The following DYNC2H1 variants were observed in gnomAD, a reference collection of about 807,000 sequenced individuals.
The protein encoded by DYNC2H1 is cytoplasmic dynein 2 heavy chain 1.
In DYNC2H1, 410 loss-of-function variants were observed where a neutral mutation model predicts 570.0. That is an observed-to-expected ratio of 0.72 (90% CI 0.66 to 0.78). DYNC2H1 has a LOEUF of 0.78. Among genes scored for constraint, DYNC2H1 ranks in the 30% least tolerant of loss-of-function variants. The pLI is 0.00. For missense variants in DYNC2H1, 4,865 were observed against 5,046.4 expected (o/e 0.96, Z 1.09); for synonymous variants, 1,688 against 1,677.6 (o/e 1.01, Z -0.15).
At chr11:103,286,131 C>T (rs1166597306) in intron 73 of DYNC2H1, 124 bp from the exon 74 acceptor site, 4 of 1,302,810 alleles carry the variant, frequency 3.1e-6, no homozygotes, top group Non-Finnish European at 3.2e-6. Context: ...GACAAGGCAA[C>T]ACAAAGTAGA....
chr11:103,214,804 TC>T (rs1354071312), intron 54 of DYNC2H1, among the ~76,000 whole-genome samples: 2 of 147,408 alleles, frequency 1.4e-5, no homozygotes, highest in African/African-American at 5.1e-5. Context: ...TTTTTTTTTT[TC>T]CTATCTTTTT....
chr11:103,148,913 C>T (rs942775631), intron 20 of DYNC2H1, among the ~76,000 whole-genome samples: 4 of 152,082 alleles, frequency 2.6e-5, no homozygotes, highest in East Asian at 1.9e-4. Context: ...AAAAATTAGC[C>T]GGTTGTGGTG....
Position 103,257,752 on chromosome 11 carries a change from G to T in DYNC2H1, c.10605+1G>T, listed in dbSNP as rs2135267768. On this transcript the variant is annotated splice_donor_variant, in intron 69 of 88. Transcript: ENST00000375735. LOFTEE classifies it high-confidence loss of function. ...CCAACGAGCTCTACAAAACAAACAG[G>T]TAAGCTGTTGGATACCCTGTACCAG... 6 of 1,582,680 alleles carry T rather than the reference G, an allele frequency of 3.8e-6. No homozygotes were observed. The highest frequency in any genetic ancestry group is 5.2e-6 in the Non-Finnish European group (6 of 1,163,730).
chr11:103,436,636 C>T (rs968092023), intron 85 of DYNC2H1, among the ~76,000 whole-genome samples: 4 of 152,074 alleles, frequency 2.6e-5, no homozygotes, highest in African/African-American at 7.2e-5. Context: ...CTTCTCAATG[C>T]AGCACTCTTC....
At chr11:103,247,836 G>T (rs1424941431) in intron 65 of DYNC2H1, among the ~76,000 whole-genome samples, 1 of 151,948 alleles carries the variant, frequency 6.6e-6, no homozygotes, top group Non-Finnish European at 1.5e-5. Flanking sequence ...TAGTTGATGG[G>T]TATAGCATTG....
chr11:103,348,250 C>T (rs1388337830), intron 82 of DYNC2H1, among the ~76,000 whole-genome samples: 1 of 152,102 alleles, frequency 6.6e-6, no homozygotes, highest in East Asian at 1.9e-4. Flanking sequence ...ATTCTGTAAA[C>T]TACCTAACAT....
At chr11:103,413,079 T>C (rs919142832) in intron 84 of DYNC2H1, among the ~76,000 whole-genome samples, 3 of 152,186 alleles carry the variant, frequency 2.0e-5, no homozygotes, top group African/African-American at 7.2e-5. Context: ...ATCAAGCTCT[T>C]GAGGTGCGTG....
At position 103,181,788 on chromosome 11, in the gene DYNC2H1, A is replaced by G. The variant is rs1395903115; in HGVS notation, c.6379A>G (p.Lys2127Glu). 1 of 1,572,068 alleles carries G rather than the reference A, an allele frequency of 6.4e-7. No individual in the cohort carries two copies. The highest frequency in any genetic ancestry group is 8.6e-7 in the Non-Finnish European group (1 of 1,156,640). Residue 2127 changes from lysine to glutamate, a missense_variant, in exon 40 of 89, where the codon AAA (lysine) becomes GAA (glutamate). Transcript: ENST00000375735. This position sits in a 1 kb window ranked among gnomAD's most constrained non-coding sequence, Gnocchi z 5.0. ...DEETDLNSLI[K>E]SWLRNQPAEY... is the part of the protein sequence containing the mutation. ...AGAGACAGATCTTAATTCTCTGATA[A>G]AATCTTGGTTGAGGAATCAGCCTGC... is the stretch of plus-strand genomic sequence containing the variant.
chr11:103,328,085 T>C (rs1188583336), intron 82 of DYNC2H1, among the ~76,000 whole-genome samples: 3 of 152,206 alleles, frequency 2.0e-5, no homozygotes, highest in Non-Finnish European at 4.4e-5. Context: ...CAAAAAATTA[T>C]CCCAAATTTA....
At chr11:103,414,671 A>G (rs1943213725) in intron 84 of DYNC2H1, among the ~76,000 whole-genome samples, 1 of 152,208 alleles carries the variant, frequency 6.6e-6, no homozygotes, top group Admixed American at 6.5e-5. Flanking sequence ...GCTAATAAGT[A>G]ACTTCAGCAA....
In DYNC2H1 at chr11:103,468,762, ATCTTT is replaced by A. The variant is rs1565626565; in HGVS notation, c.12765+60_12765+64del. The A allele has an allele frequency of 3.7e-6, 5 of 1,337,130 alleles. No homozygotes were observed. The East Asian group carries it at 7.3e-5, about 20-fold the overall frequency. 82.8% of individuals were successfully genotyped at this position (1,337,130 alleles called of 1,614,324 possible). On this transcript the variant is annotated intron_variant, in intron 88 of 88. Transcript: ENST00000375735. ...TTATATCAGTTCTCTCTTAGATTTT[ATCTTT>A]TCAAGAAGACATTCTTGGCCTGTGT...
chr11:103,341,671 C>T (rs1939447400), intron 82 of DYNC2H1, among the ~76,000 whole-genome samples: 1 of 152,124 alleles, frequency 6.6e-6, no homozygotes, highest in Non-Finnish European at 1.5e-5. Flanking sequence ...TCCTAAATGT[C>T]ATCAAATCTG....
chr11:103,152,101 G>C (rs573600725), intron 20 of DYNC2H1, 35 bp from the exon 21 acceptor site: 1 of 1,439,272 alleles, frequency 6.9e-7, no homozygotes, highest in Non-Finnish European at 9.3e-7. Context: ...AAAATAGGTT[G>C]TTATTCAATT....
chr11:103,324,743 G>C lies in DYNC2H1; in HGVS notation c.12039+753G>C, dbSNP rs952365292. ...GTATATACCCAATAATGGGATTTCT[G>C]GGTCAAATGGTAGTTCTGTTTTAAG... On this transcript the variant is annotated intron_variant, in intron 82 of 88. Coordinates refer to ENST00000375735, the MANE Select transcript of DYNC2H1 (RefSeq NM_001377.3). The surrounding 1 kb of genome is among the most constrained non-coding windows in gnomAD (Gnocchi z 5.2). Among the ~76,000 whole-genome samples the C allele has an allele frequency of 6.6e-6, 1 of 152,100 alleles. No individual in the cohort carries two copies. The highest frequency in any genetic ancestry group is 6.5e-5 in the Admixed American group (1 of 15,272).
intron 82 of DYNC2H1, among the ~76,000 whole-genome samples, chr11:103,350,742 T>C (rs1305283857): frequency 6.6e-6 from 1 of 152,112 alleles, no homozygotes; most frequent in African/African-American, 2.4e-5. Context: ...GGTCCTCACA[T>C]GTCCTTTCCT....
At chr11:103,293,562 CT>C (rs1346928052) in intron 75 of DYNC2H1, among the ~76,000 whole-genome samples, 2 of 151,958 alleles carry the variant, frequency 1.3e-5, no homozygotes, top group Non-Finnish European at 2.9e-5. Flanking sequence ...TAGATTTGTC[CT>C]TTTGAAGTTA....
At position 103,275,340 on chromosome 11, in the gene DYNC2H1, T is replaced by C. The variant is rs536887530; in HGVS notation, c.10696-5008T>C. Among the ~76,000 whole-genome samples, 45 of 152,298 alleles carry C rather than the reference T, an allele frequency of 3.0e-4. No homozygotes were observed. Among genetic ancestry groups the C allele is most frequent in the African/African-American group, 8.7e-4 (36 of 41,566 alleles). ...ACTTGTTAAAACTGTTCAACTTACA[T>C]TGACACATCCTAATCACCTGAAGTT... On this transcript the variant is annotated intron_variant, in intron 70 of 88. Transcript: ENST00000375735. The surrounding 1 kb of genome is among the most constrained non-coding windows in gnomAD (Gnocchi z 4.8).
intron 73 of DYNC2H1, among the ~76,000 whole-genome samples, chr11:103,283,639 A>G (rs1428288891): frequency 6.6e-6 from 1 of 152,224 alleles, no homozygotes; most frequent in Non-Finnish European, 1.5e-5. Context: ...AATATTTTCA[A>G]TAACATCATG....
intron 59 of DYNC2H1, among the ~76,000 whole-genome samples, chr11:103,224,077 C>T (rs941077232): frequency 6.6e-6 from 1 of 152,038 alleles, no homozygotes; most frequent in African/African-American, 2.4e-5. Flanking sequence ...TTGTTTTTAC[C>T]TTCTAAGTTC....
Sources: allele counts gnomAD v4.1 joint callset (sites outside exome capture counted in the v4.1 genomes callset), GRCh38; gene constraint gnomAD v4.1.1; non-coding constraint Gnocchi (gnomAD v3.1); transcripts MANE v1.5; gene names NCBI Gene and HGNC (gene_info 2026-07-23, HGNC 2026-07-21).